PHEX: variants seen among roughly 807,000 people sequenced by gnomAD.
PHEX encodes phosphate regulating endopeptidase X-linked.
PHEX carries 16 observed loss-of-function variants against 68.0 expected under a neutral mutation model. The ratio of observed to expected loss-of-function variants is 0.24; its 90% confidence interval spans 0.16 to 0.36. The LOEUF (loss-of-function observed/expected upper bound fraction) is 0.36. PHEX is among the 10% of genes least tolerant of loss of function. PHEX has a pLI of 1.00. For missense variants in PHEX, 480 were observed against 575.5 expected, an observed-to-expected ratio of 0.83 and a Z score of 1.70; for synonymous variants, 208 against 205.1, an observed-to-expected ratio of 1.01 and a Z score of -0.12.
chrX:22,098,884 C>T (rs776080117), intron 8 of PHEX, 122 bp from the exon 9 acceptor site: 3 of 463,494 alleles, frequency 6.5e-6, no homozygotes, highest in Admixed American at 5.3e-5. Flanking sequence ...TGAGTAGTTG[C>T]ATCTTGAATT....
chrX:22,117,841 C>T (rs2147069095), intron 11 of PHEX, among the ~76,000 whole-genome samples: 1 of 110,925 alleles, frequency 9.0e-6, no homozygotes, highest in East Asian at 2.8e-4. Context: ...AAGCTGTTTG[C>T]CTCAGGGAAT....
chrX:22,105,153 T>G (rs1930623110), intron 9 of PHEX, among the ~76,000 whole-genome samples: 1 of 111,010 alleles, frequency 9.0e-6, no homozygotes, highest in Non-Finnish European at 1.9e-5. Flanking sequence ...TACTGGGGAG[T>G]TTGTCAGAAA....
chrX:22,130,008 T>A (rs1931915503), intron 11 of PHEX, among the ~76,000 whole-genome samples: 1 of 111,823 alleles, frequency 8.9e-6, no homozygotes, highest in Admixed American at 9.5e-5. Context: ...TCTTATTGAA[T>A]GACGGTGTTT....
intron 14 of PHEX, among the ~76,000 whole-genome samples, chrX:22,183,645 T>G (rs1490343689): frequency 9.0e-6 from 1 of 111,050 alleles, no homozygotes; most frequent in Non-Finnish European, 1.9e-5. Flanking sequence ...ACCATCTACA[T>G]GTAATACGGT....
At chrX:22,166,396 C>T (rs1034079941) in intron 12 of PHEX, among the ~76,000 whole-genome samples, 3 of 111,479 alleles carry the variant, frequency 2.7e-5, no homozygotes, top group Non-Finnish European at 3.8e-5. Context: ...GTTCTCCATC[C>T]TCATGTACTT....
At chrX:22,180,886 A>T (rs1299733855) in intron 14 of PHEX, among the ~76,000 whole-genome samples, 1 of 111,744 alleles carries the variant, frequency 8.9e-6, no homozygotes, top group Non-Finnish European at 1.9e-5. Context: ...GGCTTATTTC[A>T]CTTAGTATTG....
At chrX:22,205,681 T>A in intron 15 of PHEX, among the ~76,000 whole-genome samples, 1 of 92,719 alleles carries the variant, frequency 1.1e-5, no homozygotes, top group Non-Finnish European at 2.2e-5. Context: ...TTTATTAATA[T>A]TAAATTATTA....
chrX:22,209,754 C>T (rs1249370069), intron 15 of PHEX, among the ~76,000 whole-genome samples: 24 of 75,910 alleles, frequency 3.2e-4, no homozygotes, highest in Non-Finnish European at 9.4e-5. Flanking sequence ...GCTCCCTCTC[C>T]TCCCTCTCCT....
chrX:22,170,687 G>T (rs904152024), intron 13 of PHEX, among the ~76,000 whole-genome samples: 1 of 112,050 alleles, frequency 8.9e-6, no homozygotes, highest in Non-Finnish European at 1.9e-5. Flanking sequence ...ATTTAAAAGG[G>T]TATACAGATG....
chrX:22,112,103 A>G (rs1260051385), intron 10 of PHEX, among the ~76,000 whole-genome samples: 1 of 111,578 alleles, frequency 9.0e-6, no homozygotes, highest in Non-Finnish European at 1.9e-5. Flanking sequence ...TTCTTGCTCA[A>G]CTGTCTGAGA....
chrX:22,038,008 T>G (rs1001362176), intron 1 of PHEX, among the ~76,000 whole-genome samples: 6 of 111,151 alleles, frequency 5.4e-5, no homozygotes, highest in Non-Finnish European at 1.1e-4. Context: ...CACTGATAAT[T>G]GGAGGCTGAA....
At chrX:22,127,458 T>C (rs1343495198) in intron 11 of PHEX, among the ~76,000 whole-genome samples, 3 of 111,513 alleles carry the variant, frequency 2.7e-5, no homozygotes, top group African/African-American at 9.8e-5. Context: ...CAGCAGGTTT[T>C]TGACTTGACT....
chrX:22,040,231 A>G (rs2146981157), intron 2 of PHEX, among the ~76,000 whole-genome samples: 1 of 112,506 alleles, frequency 8.9e-6, no homozygotes, highest in East Asian at 2.8e-4. Flanking sequence ...TTGGCCTTAA[A>G]AGGTTAATGA....
intron 8 of PHEX, among the ~76,000 whole-genome samples, chrX:22,098,629 A>G (rs1369399304): frequency 1.0e-5 from 1 of 96,487 alleles, no homozygotes; most frequent in African/African-American, 4.2e-5. Flanking sequence ...TCTACTAAAA[A>G]TACAAAAAAA....
rs1267390254 is a variant in PHEX, at chrX:22,227,651, G to GGACTT, written c.2070+43_2070+47dup. The GGACTT allele has an allele frequency of 6.4e-6, 6 of 931,865 alleles. No individual in the cohort carries two copies. In the East Asian group the frequency reaches 9.2e-5, roughly 14 times the overall value. The allele number at this position is 931,865 out of a possible 1,213,427, so 76.8% of individuals were successfully genotyped here. A position where few individuals can be genotyped will look rare whatever the true frequency, so the allele number is the denominator to read the frequency against. ...GAAGGGGCATCAGGGATGAGATGCA[G>GGACTT]GACTTGAGTTTGCTCCCTTGATCAA... On this transcript the variant is annotated intron_variant, in intron 20 of 21. Coordinates refer to ENST00000379374, the MANE Select transcript of PHEX (RefSeq NM_000444.6).
At chrX:22,079,098 TA>T (rs1929278217) in intron 5 of PHEX, among the ~76,000 whole-genome samples, 1 of 112,124 alleles carries the variant, frequency 8.9e-6, no homozygotes, top group Non-Finnish European at 1.9e-5. Context: ...TCAAACACCT[TA>T]AGTTGGTGTT....
chrX:22,087,605 G>A (rs1370243586), intron 5 of PHEX, among the ~76,000 whole-genome samples: 1 of 111,817 alleles, frequency 8.9e-6, no homozygotes, highest in African/African-American at 3.2e-5. Context: ...ACAAATTTAT[G>A]TATTTAAGAT....
At chrX:22,167,504 TTTTTG>T (rs1223075854) in intron 12 of PHEX, among the ~76,000 whole-genome samples, 3 of 99,456 alleles carry the variant, frequency 3.0e-5, no homozygotes, top group East Asian at 3.0e-4. Flanking sequence ...TTTTTTTTTT[TTTTTG>T]GAGACAGGGT....
chrX:22,236,422 G>A (rs192208278), intron 20 of PHEX, among the ~76,000 whole-genome samples: 3 of 112,418 alleles, frequency 2.7e-5, no homozygotes, highest in Non-Finnish European at 5.6e-5. Flanking sequence ...AAAGATGCTG[G>A]GTATATTGAA....
Sources: allele counts gnomAD v4.1 joint callset (sites outside exome capture counted in the v4.1 genomes callset), GRCh38; gene constraint gnomAD v4.1.1; transcripts MANE v1.5; gene names NCBI Gene and HGNC (gene_info 2026-07-23, HGNC 2026-07-21).